The following DTD1 variants were observed in gnomAD, a reference collection of about 807,000 sequenced individuals.
The protein encoded by DTD1 is D-tyrosyl-tRNA deacylase 1 homolog.
DTD1 carries 13 observed loss-of-function variants against 25.6 expected under a neutral mutation model. That is an observed-to-expected ratio of 0.51 (90% CI 0.33 to 0.81). The LOEUF (loss-of-function observed/expected upper bound fraction) is 0.81, where lower values mean the gene tolerates loss of function less well. Among genes scored for constraint, DTD1 ranks in the 30% least tolerant of loss-of-function variants. DTD1 has a pLI of 0.02. For synonymous variants in DTD1, 110 were observed against 103.6 expected, an observed-to-expected ratio of 1.06 and a Z score of -0.37; for missense variants, 193 against 266.4, an observed-to-expected ratio of 0.72 and a Z score of 1.92.
rs1414774935 is a variant in DTD1, at chr20:18,744,144, A to G, written c.522A>G (p.Arg174=). Residue 174 remains arginine, a synonymous_variant, in exon 5 of 6, where the codon AGA becomes AGG. Transcript: ENST00000377452. ...EKQQQRKEKT[R]AKGPSESSKE... is the part of the protein sequence containing the mutation. ...AGCAGCAGAGGAAAGAAAAGACCAG[A>G]GCTAAGGGACCTTCTGAATCAAGCA... 6.2e-7 allele frequency: 1 copy of G among 1,612,238 alleles called. No individual in the cohort carries two copies. The highest frequency in any genetic ancestry group is 1.7e-5 in the Admixed American group (1 of 59,998).
intron 3 of DTD1, among the ~76,000 whole-genome samples, chr20:18,615,049 G>A (rs983474718): frequency 1.3e-5 from 2 of 152,174 alleles, no homozygotes; most frequent in Non-Finnish European, 2.9e-5. Flanking sequence ...TCCACAGTGA[G>A]CATTGCAAGA....
chr20:18,697,281 A>G (rs1469473263), intron 4 of DTD1, among the ~76,000 whole-genome samples: 1 of 152,140 alleles, frequency 6.6e-6, no homozygotes, highest in Non-Finnish European at 1.5e-5. Context: ...CATTGAATAC[A>G]ATAAGAAAAC....
rs191151687 is a variant in DTD1 at position 18,649,316 on chromosome 20, A to G, written c.477+21083A>G. Among the ~76,000 whole-genome samples, 645 of 98,882 alleles carry G rather than the reference A, an allele frequency of 6.5e-3. 7 individuals carry two copies. The highest frequency in any genetic ancestry group is 0.022 in the African/African-American group (626 of 28,906). 64.9% of individuals were successfully genotyped at this position (98,882 alleles called of 152,430 possible). On this transcript the variant is annotated intron_variant, in intron 4 of 5. Transcript: ENST00000377452. ...AAGACTCTGATGGGCTTTCTCAGCC[A>G]TTCATCTTTCTTTTTTTTTTTTTTT...
At chr20:18,691,713 A>G (rs1020432765) in intron 4 of DTD1, among the ~76,000 whole-genome samples, 1 of 152,192 alleles carries the variant, frequency 6.6e-6, no homozygotes, top group African/African-American at 2.4e-5. Flanking sequence ...CCTCAGCATC[A>G]CACAATATAC....
intron 5 of DTD1, among the ~76,000 whole-genome samples, chr20:18,753,736 G>T (rs993589449): frequency 1.3e-5 from 2 of 151,994 alleles, no homozygotes; most frequent in Non-Finnish European, 2.9e-5. Context: ...CCACTTTCAG[G>T]TAACATCAAT....
chr20:18,756,751 G>C (rs1037211456), intron 5 of DTD1, among the ~76,000 whole-genome samples: 1 of 151,608 alleles, frequency 6.6e-6, no homozygotes, highest in Non-Finnish European at 1.5e-5. Context: ...TTGGCAATGC[G>C]GGCTCTTTTT....
At chr20:18,664,216 T>C (rs2060922648) in intron 4 of DTD1, among the ~76,000 whole-genome samples, 1 of 152,210 alleles carries the variant, frequency 6.6e-6, no homozygotes, top group Admixed American at 6.5e-5. Flanking sequence ...CAGAACAGAA[T>C]TGTTTCTGTG....
chr20:18,723,225 A>G (rs1422539967), intron 4 of DTD1, among the ~76,000 whole-genome samples: 3 of 152,184 alleles, frequency 2.0e-5, no homozygotes, highest in Non-Finnish European at 4.4e-5. Context: ...GCAACCAAAA[A>G]TATCTCCAGA....
chr20:18,655,064 G>A (rs1237023835), intron 4 of DTD1, among the ~76,000 whole-genome samples: 1 of 152,124 alleles, frequency 6.6e-6, no homozygotes, highest in African/African-American at 2.4e-5. Context: ...AGTGTTTTTG[G>A]TTATTAGAAT....
chr20:18,628,298 G>A lies in DTD1; in HGVS notation c.477+65G>A, dbSNP rs555884164. ...GCCTGTAACATCCCTTTAGTCCCTG[G>A]AAGAGTCCTCGGTCTGAGGAAATAC... On this transcript the variant is annotated intron_variant, in intron 4 of 5. Transcript: ENST00000377452. 1.1e-4 allele frequency: 137 copies of A among 1,299,094 alleles called. No individual in the cohort carries two copies. The South Asian group carries it at 1.5e-3, about 14-fold the overall frequency. The allele number at this position is 1,299,094 out of a possible 1,614,324, so 80.5% of individuals were successfully genotyped here.
intron 4 of DTD1, among the ~76,000 whole-genome samples, chr20:18,649,234 C>T (rs951184815): frequency 2.0e-5 from 3 of 148,440 alleles, no homozygotes; most frequent in African/African-American, 7.5e-5. Context: ...TGTTTGCTTT[C>T]TGAGTCAGTA....
chr20:18,637,741 A>G (rs868049464), intron 4 of DTD1, among the ~76,000 whole-genome samples: 4 of 152,222 alleles, frequency 2.6e-5, no homozygotes, highest in African/African-American at 7.2e-5. Context: ...TTAAACACAC[A>G]TGGGAAATTG....
intron 4 of DTD1, among the ~76,000 whole-genome samples, chr20:18,708,277 AATATATAT>A (rs2061140708): frequency 6.4e-5 from 1 of 15,588 alleles, no homozygotes; most frequent in Non-Finnish European, 1.4e-4. Flanking sequence ...ATATATATAT[AATATATAT>A]TATATATATA....
At chr20:18,713,935 G>C (rs2061169750) in intron 4 of DTD1, among the ~76,000 whole-genome samples, 1 of 152,166 alleles carries the variant, frequency 6.6e-6, no homozygotes, top group African/African-American at 2.4e-5. Flanking sequence ...CCAGAGCCCA[G>C]CACGGTCTGG....
rs138835300 is a variant in DTD1, at chr20:18,631,420, A to G, written c.477+3187A>G. 2.0e-4 allele frequency: 197 copies of G among 985,822 alleles called. No individual in the cohort carries two copies. In the African/African-American group the frequency reaches 3.3e-3, roughly 17 times the overall value. The allele number at this position is 985,822 out of a possible 1,614,324, so 61.1% of individuals were successfully genotyped here. The stretch of plus-strand genomic sequence containing the variant: ...AGCCCTTCCCTTCCACCTCCTCAGC[A>G]GCTTCCTGGAAGCCTCTGTCCTCTT... On this transcript the variant is annotated intron_variant, in intron 4 of 5. Coordinates refer to ENST00000377452, the MANE Select transcript of DTD1 (RefSeq NM_080820.6).
At chr20:18,708,192 AT>A (rs2061134925) in intron 4 of DTD1, among the ~76,000 whole-genome samples, 1 of 60,012 alleles carries the variant, frequency 1.7e-5, no homozygotes, top group Non-Finnish European at 3.0e-5. Flanking sequence ...TTTTATATAT[AT>A]ATTATATATA....
At chr20:18,742,369 G>A (rs1820259892) in intron 4 of DTD1, among the ~76,000 whole-genome samples, 1 of 152,108 alleles carries the variant, frequency 6.6e-6, no homozygotes, top group Admixed American at 6.5e-5. Context: ...ATAAGCCAGG[G>A]GTCCTCAACC....
chr20:18,752,304 T>C (rs1311374153), intron 5 of DTD1, among the ~76,000 whole-genome samples: 1 of 152,202 alleles, frequency 6.6e-6, no homozygotes. Flanking sequence ...CTTCTCCTTT[T>C]GGTATTCCAA....
At chr20:18,748,852 G>C (rs969526089) in intron 5 of DTD1, among the ~76,000 whole-genome samples, 3 of 152,162 alleles carry the variant, frequency 2.0e-5, no homozygotes, top group African/African-American at 7.2e-5. Context: ...GTGCTATTGT[G>C]AATCACCCAA....
Sources: allele counts gnomAD v4.1 joint callset (sites outside exome capture counted in the v4.1 genomes callset), GRCh38; gene constraint gnomAD v4.1.1; transcripts MANE v1.5; gene names NCBI Gene and HGNC (gene_info 2026-07-23, HGNC 2026-07-21).